LMBRD1: variants seen among roughly 807,000 people sequenced by gnomAD.
LMBRD1 encodes LMBR1 domain containing 1, also known as lysosomal cobalamin transport escort protein LMBD1.
A neutral mutation model predicts 74.8 loss-of-function variants in LMBRD1; 64 were observed. That is an observed-to-expected ratio of 0.86 (90% confidence interval 0.70 to 1.05). LMBRD1 has a LOEUF of 1.05. LMBRD1 is among the 50% of genes least tolerant of loss of function. The probability of loss-of-function intolerance (pLI) is 0.00; values close to 1 mark genes in which losing one functional copy is unlikely to be tolerated. For synonymous variants in LMBRD1, 204 were observed against 216.3 expected (o/e 0.94, Z 0.50); for missense variants, 652 against 645.9 (o/e 1.01, Z -0.10).
Position 69,730,148 on chromosome 6 carries a change from A to G in LMBRD1, c.636+7794T>C, listed in dbSNP as rs372115796. Among the ~76,000 whole-genome samples, 7 of 152,242 alleles carry G rather than the reference A, an allele frequency of 4.6e-5. No individual in the cohort carries two copies. The South Asian group carries it at 8.3e-4, about 18-fold the overall frequency. On this transcript the variant is annotated intron_variant, in intron 7 of 15. Transcript: ENST00000649934. ...TTATTTTGACTTCCAAGAATAAATC[A>G]CCAACTGTATTTGAAAACTAAAATG...
intron 5 of LMBRD1, among the ~76,000 whole-genome samples, chr6:69,742,279 AAAC>A (rs1432019848): frequency 2.0e-5 from 3 of 152,332 alleles, no homozygotes; most frequent in Admixed American, 6.5e-5. Flanking sequence ...ATTATTTAAG[AAAC>A]AAAAGAAATA....
chr6:69,728,279 C>G (rs999303871), intron 7 of LMBRD1, among the ~76,000 whole-genome samples: 5 of 152,066 alleles, frequency 3.3e-5, no homozygotes, highest in African/African-American at 9.7e-5. Flanking sequence ...GACACTACCC[C>G]GATGATCCAA....
At chr6:69,790,154 G>A (rs190790270) in intron 2 of LMBRD1, 142 bp downstream of exon 2, 749 of 664,576 alleles carry the variant, frequency 1.1e-3, no homozygotes, top group Middle Eastern at 1.6e-3. Flanking sequence ...TATCAGGTTA[G>A]ATGTCACATT....
intron 9 of LMBRD1, among the ~76,000 whole-genome samples, chr6:69,712,950 A>G (rs1449102584): frequency 6.6e-6 from 1 of 152,166 alleles, no homozygotes; most frequent in Non-Finnish European, 1.5e-5. Context: ...GAATGTGGTG[A>G]TAGCAACATA....
At chr6:69,714,977 A>G (rs1008395612) in intron 8 of LMBRD1, among the ~76,000 whole-genome samples, 1 of 152,062 alleles carries the variant, frequency 6.6e-6, no homozygotes, top group African/African-American at 2.4e-5. Context: ...ATTTCTACCA[A>G]ATTTCCAGGA....
chr6:69,782,865 G>A (rs978532306), intron 2 of LMBRD1, among the ~76,000 whole-genome samples: 13 of 152,110 alleles, frequency 8.5e-5, no homozygotes, highest in African/African-American at 2.9e-4. Context: ...TTGGTTTTGG[G>A]CCAAGAGTCC....
rs1421573000 is a variant in LMBRD1, at chr6:69,749,857, T to C, written c.406-449A>G. ...ATATATTTGTATATATACATACTCA[T>C]ATATACATATATAAGTATATATACA... is the stretch of plus-strand genomic sequence containing the variant. On this transcript the variant is annotated intron_variant, in intron 4 of 15. Coordinates refer to ENST00000649934, the MANE Select transcript of LMBRD1 (RefSeq NM_018368.4). Among the ~76,000 whole-genome samples the C allele has an allele frequency of 4.1e-5, 6 of 147,016 alleles. No individual in the cohort carries two copies. In the East Asian group the frequency reaches 1.2e-3, roughly 29 times the overall value.
At chr6:69,679,270 T>C (rs1452574828) in intron 14 of LMBRD1, among the ~76,000 whole-genome samples, 1 of 152,152 alleles carries the variant, frequency 6.6e-6, no homozygotes, top group Admixed American at 6.6e-5. Flanking sequence ...GCTGGACATA[T>C]TTCTGTCTCC....
At chr6:69,733,853 T>C (rs1766915739) in intron 7 of LMBRD1, among the ~76,000 whole-genome samples, 1 of 152,214 alleles carries the variant, frequency 6.6e-6, no homozygotes, top group Non-Finnish European at 1.5e-5. Context: ...TTATTTTCAC[T>C]GAGAGAGGAA....
intron 14 of LMBRD1, among the ~76,000 whole-genome samples, chr6:69,677,982 T>C (rs775823308): frequency 6.6e-6 from 1 of 152,128 alleles, no homozygotes; most frequent in Non-Finnish European, 1.5e-5. Flanking sequence ...GAGAGGCCTG[T>C]GGCAACACAG....
At chr6:69,726,533 G>T (rs1365573093) in intron 7 of LMBRD1, among the ~76,000 whole-genome samples, 2 of 152,164 alleles carry the variant, frequency 1.3e-5, no homozygotes, top group Non-Finnish European at 2.9e-5. Context: ...ATACAATGGA[G>T]TACTATTCAG....
intron 1 of LMBRD1, among the ~76,000 whole-genome samples, chr6:69,795,529 G>C (rs1476032759): frequency 6.6e-6 from 1 of 152,172 alleles, no homozygotes; most frequent in African/African-American, 2.4e-5. Flanking sequence ...TAACTGCCAA[G>C]ATAGTCTCAC....
At chr6:69,743,504 A>C (rs1449936173) in intron 5 of LMBRD1, among the ~76,000 whole-genome samples, 2 of 152,202 alleles carry the variant, frequency 1.3e-5, no homozygotes, top group African/African-American at 2.4e-5. Flanking sequence ...GGAAACTTAT[A>C]TAATCAAAAA....
At chr6:69,720,433 A>G (rs1167187869) in intron 7 of LMBRD1, among the ~76,000 whole-genome samples, 1 of 152,224 alleles carries the variant, frequency 6.6e-6, no homozygotes, top group African/African-American at 2.4e-5. Flanking sequence ...GTGGAAGAAG[A>G]TTCTGTTACT....
At chr6:69,704,002 T>C (rs968732741) in intron 9 of LMBRD1, among the ~76,000 whole-genome samples, 1 of 152,084 alleles carries the variant, frequency 6.6e-6, no homozygotes, top group Non-Finnish European at 1.5e-5. Context: ...TATATTTAGA[T>C]TATGCTTTTT....
At position 69,772,601 on chromosome 6, in the gene LMBRD1, C is replaced by G. The variant is rs1197611015; in HGVS notation, c.307+7893G>C. On this transcript the variant is annotated intron_variant, in intron 3 of 15. Transcript: ENST00000649934. Reference sequence around the variant, plus strand: ...TCTCTTGAGCAAACTTAACAGAAACCACTTAGAAAACATCCCCTTTAATTA... The same window carrying G: ...TCTCTTGAGCAAACTTAACAGAAACGACTTAGAAAACATCCCCTTTAATTA... Among the ~76,000 whole-genome samples, 8 of 152,110 alleles carry G rather than the reference C, an allele frequency of 5.3e-5. No homozygotes were observed. In the East Asian group the frequency reaches 1.5e-3, roughly 29 times the overall value.
intron 3 of LMBRD1, among the ~76,000 whole-genome samples, chr6:69,774,979 A>AGGGAGGGAGCGAGGGAGGGAGGG (rs1765661664): frequency 2.5e-5 from 1 of 40,418 alleles, no homozygotes; most frequent in Non-Finnish European, 4.3e-5. Flanking sequence ...GGAAGGAAGG[A>AGGGAGGGAGCGAGGGAGGGAGGG]AGGAAGGAAG....
At chr6:69,731,937 T>C (rs1419322029) in intron 7 of LMBRD1, among the ~76,000 whole-genome samples, 1 of 152,250 alleles carries the variant, frequency 6.6e-6, no homozygotes, top group East Asian at 1.9e-4. Flanking sequence ...TTGTTATGAA[T>C]GCAGACAAAT....
chr6:69,749,538 A>T, intron 4 of LMBRD1, 130 bp from the exon 5 acceptor site: 1 of 720,388 alleles, frequency 1.4e-6, no homozygotes, highest in Middle Eastern at 3.1e-4. Flanking sequence ...AAGGTTGAAA[A>T]ACAACCTTAA....
Sources: allele counts gnomAD v4.1 joint callset (sites outside exome capture counted in the v4.1 genomes callset), GRCh38; gene constraint gnomAD v4.1.1; transcripts MANE v1.5; gene names NCBI Gene and HGNC (gene_info 2026-07-23, HGNC 2026-07-21).